Variants in ZC3H15 observed in about 807,000 individuals in gnomAD.
ZC3H15 encodes zinc finger CCCH domain-containing protein 15.
In ZC3H15, 15 loss-of-function variants were observed where a neutral mutation model predicts 51.2. That is an observed-to-expected ratio of 0.29 (90% CI 0.20 to 0.45). The LOEUF is 0.45. ZC3H15 is among the 20% of genes least tolerant of loss of function. The pLI, the probability that ZC3H15 is intolerant of heterozygous loss-of-function variation, is 1.00. For synonymous variants in ZC3H15, 144 were observed against 162.8 expected (o/e 0.88, Z 0.88); for missense variants, 381 against 494.7 (o/e 0.77, Z 2.18).
At chr2:186,499,450 A>G (rs1261152679) in intron 2 of ZC3H15, among the ~76,000 whole-genome samples, 2 of 152,180 alleles carry the variant, frequency 1.3e-5, no homozygotes, top group Non-Finnish European at 2.9e-5. Flanking sequence ...AAACTCATCC[A>G]TAAGGTTATT....
intron 8 of ZC3H15, 119 bp from the exon 9 acceptor site, chr2:186,506,594 T>C: frequency 2.6e-6 from 3 of 1,155,348 alleles, no homozygotes; most frequent in Non-Finnish European, 3.6e-6. Flanking sequence ...ACCTGGCCAG[T>C]AATTGGTCTT....
intron 3 of ZC3H15, chr2:186,500,738 C>T: frequency 2.2e-6 from 1 of 452,064 alleles, no homozygotes. Context: ...GCAGTGGCAC[C>T]ATCTCAGCTC....
At chr2:186,506,623 G>T (rs977779792) in intron 8 of ZC3H15, 90 bp from the exon 9 acceptor site, 10 of 1,410,632 alleles carry the variant, frequency 7.1e-6, no homozygotes, top group Non-Finnish European at 7.7e-6. Flanking sequence ...ACTTGGATCA[G>T]TGATAATTTT....
chr2:186,494,973 T>A (rs944879665), intron 1 of ZC3H15, among the ~76,000 whole-genome samples: 3 of 151,784 alleles, frequency 2.0e-5, no homozygotes, highest in South Asian at 2.1e-4. Flanking sequence ...TAATAAAAAA[T>A]ATATATAAAA....
chr2:186,487,822 G>A (rs1019040769), intron 1 of ZC3H15, among the ~76,000 whole-genome samples: 1 of 152,176 alleles, frequency 6.6e-6, no homozygotes, highest in African/African-American at 2.4e-5. Flanking sequence ...TAATAATTTA[G>A]ACAATTTAAA....
chr2:186,495,830 C>T (rs188674291), intron 2 of ZC3H15, among the ~76,000 whole-genome samples: 2 of 152,142 alleles, frequency 1.3e-5, no homozygotes, highest in African/African-American at 4.8e-5. Context: ...TACTAAAGTT[C>T]TTTTTAATGT....
chr2:186,494,914 T>C lies in ZC3H15; in HGVS notation c.76-319T>C, dbSNP rs546268996. 1.1e-4 allele frequency among the ~76,000 whole-genome samples: 16 copies of C among 152,118 alleles called. 1 individual carries two copies. Among genetic ancestry groups the C allele is most frequent in the African/African-American group, 3.6e-4 (15 of 41,530 alleles). On this transcript the variant is annotated intron_variant, in intron 1 of 9. Coordinates refer to ENST00000337859, the MANE Select transcript of ZC3H15 (RefSeq NM_018471.3). ...CACACCAACATGGCACATGTATACA[T>C]ATGTAACAAACCTGCACGTTGTACA... is the stretch of plus-strand genomic sequence containing the variant.
At chr2:186,501,125 A>G (rs1685375860) in intron 3 of ZC3H15, 148 bp from the exon 4 acceptor site, 3 of 690,228 alleles carry the variant, frequency 4.3e-6, no homozygotes, top group Non-Finnish European at 6.7e-6. Context: ...CTTTAAAGAA[A>G]TGTCTTGCTA....
At chr2:186,487,532 A>G (rs1483158969) in intron 1 of ZC3H15, among the ~76,000 whole-genome samples, 2 of 152,218 alleles carry the variant, frequency 1.3e-5, no homozygotes, top group Admixed American at 1.3e-4. Context: ...CCAGGTTCCA[A>G]CTTTGGAGGA....
rs1383184115 is a variant in ZC3H15 at position 186,501,403 on chromosome 2, A to G, written c.420A>G (p.Ala140=). Reference sequence around the variant, plus strand: ...AAAAGCGAAGTGTTTACATTGATGCAAGAGATGAAGAACTTGAAAAAGGTA... The same window carrying G: ...AAAAGCGAAGTGTTTACATTGATGCGAGAGATGAAGAACTTGAAAAAGGTA... The part of the protein sequence containing the change: ...KCEKRSVYID[A]RDEELEKDTM... Residue 140 remains alanine, a synonymous_variant, in exon 4 of 10, where the codon GCA becomes GCG. Coordinates refer to ENST00000337859, the MANE Select transcript of ZC3H15 (RefSeq NM_018471.3). 3 of 1,609,216 alleles carry G rather than the reference A, an allele frequency of 1.9e-6. No homozygotes were observed. The highest frequency in any genetic ancestry group is 1.7e-4 in the Middle Eastern group (1 of 6,022).
Position 186,508,562 on chromosome 2 carries a change from T to C in ZC3H15, c.1110T>C (p.Ala370=), listed in dbSNP as rs768119756. ...ATTTAGAAAACAAATTAAGTGAAGC[T>C]TCTGGAGGTAGGGCTGAAAATGGTG... is the stretch of plus-strand genomic sequence containing the variant. ...SDKDENKLSE[A]SGGRAENGER... is the part of the protein sequence containing the mutation. The change falls in exon 10 of 10, where the codon GCT becomes GCC. Residue 370 remains alanine, a synonymous_variant. Coordinates refer to ENST00000337859, the MANE Select transcript of ZC3H15 (RefSeq NM_018471.3). 6.2e-7 allele frequency: 1 copy of C among 1,613,924 alleles called. No individual in the cohort carries two copies. The highest frequency in any genetic ancestry group is 1.7e-5 in the Admixed American group (1 of 59,980).
chr2:186,492,289 A>G (rs1265572121), intron 1 of ZC3H15, among the ~76,000 whole-genome samples: 2 of 152,330 alleles, frequency 1.3e-5, no homozygotes, highest in Admixed American at 6.5e-5. Flanking sequence ...TAGTTGCTGC[A>G]CTGTGTTCAT....
intron 8 of ZC3H15, 40 bp downstream of exon 8, chr2:186,505,881 G>A (rs1685459044): frequency 6.3e-7 from 1 of 1,591,914 alleles, no homozygotes; most frequent in Non-Finnish European, 8.6e-7. Context: ...TATGTTAATT[G>A]AAAGAAACAA....
Position 186,486,534 on chromosome 2 carries a change from G to A in ZC3H15, c.75+77G>A. The A allele has an allele frequency of 2.7e-5, 39 of 1,463,602 alleles. No individual in the cohort carries two copies. In the South Asian group the frequency reaches 5.2e-4, roughly 20 times the overall value. 90.7% of individuals were successfully genotyped at this position (1,463,602 alleles called of 1,614,324 possible). A position where few individuals can be genotyped will look rare whatever the true frequency, so the allele number is the denominator to read the frequency against. ...TTCCCCGCTCCGGGCTTCCCTGGGA[G>A]CCGGCTCGCTTCCTCGGGCCACGTG... On this transcript the variant is annotated intron_variant, in intron 1 of 9. Transcript: ENST00000337859.
chr2:186,504,776 A>C (rs1347399546), intron 6 of ZC3H15, among the ~76,000 whole-genome samples: 1 of 152,232 alleles, frequency 6.6e-6, no homozygotes, highest in Admixed American at 6.5e-5. Flanking sequence ...TTAGGGTTGC[A>C]TATTAAAAAC....
At chr2:186,497,696 T>C (rs2305409) in intron 2 of ZC3H15, among the ~76,000 whole-genome samples, 100,801 of 152,038 alleles carry the variant, frequency 0.66, 33,728 homozygotes, top group Non-Finnish European at 0.71. Flanking sequence ...AATCCTGCTT[T>C]CTCTTCCCCA....
In ZC3H15 at chr2:186,504,172, G is replaced by A; in HGVS notation, c.675G>A (p.Glu225=). 1 of 1,604,076 alleles carries A rather than the reference G, an allele frequency of 6.2e-7. No homozygotes were observed. Among genetic ancestry groups the A allele is most frequent in the Non-Finnish European group, 8.5e-7 (1 of 1,174,960 alleles). ...FVLKKDKKKE[E]KEDEISLEDL... is the part of the protein sequence containing the mutation. ...TGAAAAAAGATAAAAAGAAAGAAGA[G>A]AAAGAAGATGAAATTTCATTAGAAG... The change falls in exon 6 of 10, where the codon GAG becomes GAA. Residue 225 remains glutamate (E), a synonymous_variant. Coordinates refer to ENST00000337859, the MANE Select transcript of ZC3H15 (RefSeq NM_018471.3).
intron 9 of ZC3H15, among the ~76,000 whole-genome samples, chr2:186,508,168 T>C (rs375215066): frequency 2.6e-5 from 4 of 152,338 alleles, no homozygotes; most frequent in South Asian, 4.1e-4. Flanking sequence ...TAGCTGCTTA[T>C]ATTACAAACA....
At chr2:186,498,013 G>C (rs1238660827) in intron 2 of ZC3H15, among the ~76,000 whole-genome samples, 2 of 152,056 alleles carry the variant, frequency 1.3e-5, no homozygotes, top group African/African-American at 4.8e-5. Context: ...GAAGCCAAGG[G>C]GATGTACCCA....
Sources: allele counts gnomAD v4.1 joint callset (sites outside exome capture counted in the v4.1 genomes callset), GRCh38; gene constraint gnomAD v4.1.1; transcripts MANE v1.5; gene names NCBI Gene and HGNC (gene_info 2026-07-23, HGNC 2026-07-21).